Variants in HERC5 observed in about 807,000 individuals in gnomAD.
The protein encoded by HERC5 is E3 ISG15--protein ligase HERC5.
In HERC5, 99 loss-of-function variants were observed where a neutral mutation model predicts 119.6. The observed-to-expected ratio is 0.83, with a 90% CI of 0.70 to 0.98. The LOEUF (loss-of-function observed/expected upper bound fraction) is 0.98, where lower values mean the gene tolerates loss of function less well. Ranked by LOEUF, HERC5 falls within the 50% of genes least tolerant of loss-of-function variation. The pLI is 0.00. For missense variants in HERC5, 1,267 were observed against 1,241.3 expected, an observed-to-expected ratio of 1.02 and a Z score of -0.31; for synonymous variants, 478 against 445.9, an observed-to-expected ratio of 1.07 and a Z score of -0.91.
At position 88,462,154 on chromosome 4, in the gene HERC5, G is replaced by A. The variant is rs1353818562; in HGVS notation, c.486G>A (p.Trp162Ter). ...ALSKGGELFA[W>*]GQNLHGQLGV... ...GTCAAGGTGGTGAGCTTTTTGCCTG[G>A]GGACAGAACCTGCATGGGCAGCTTG... Residue 162 changes from tryptophan to a stop codon, truncating the protein, a stop_gained, in exon 4 of 23, where the codon TGG (tryptophan) becomes TGA (stop). Coordinates refer to ENST00000264350, the MANE Select transcript of HERC5 (RefSeq NM_016323.4). LOFTEE classifies it high-confidence loss of function. 1 of 1,613,824 alleles carries A rather than the reference G, an allele frequency of 6.2e-7. No homozygotes were observed. Among genetic ancestry groups the A allele is most frequent in the Admixed American group, 1.7e-5 (1 of 59,944 alleles).
chr4:88,477,671 C>T (rs1741132076), intron 12 of HERC5, among the ~76,000 whole-genome samples: 1 of 151,912 alleles, frequency 6.6e-6, no homozygotes, highest in Admixed American at 6.6e-5. Flanking sequence ...TAGACTGTCC[C>T]ACATCCAGAT....
intron 11 of HERC5, among the ~76,000 whole-genome samples, chr4:88,475,211 G>A (rs971144476): frequency 5.5e-5 from 8 of 146,704 alleles, no homozygotes; most frequent in Admixed American, 1.4e-4. Flanking sequence ...GTGTGATAGT[G>A]TAAACCAGAG....
chr4:88,487,476 A>T (rs1323697668), intron 15 of HERC5, among the ~76,000 whole-genome samples: 2 of 152,184 alleles, frequency 1.3e-5, no homozygotes, highest in African/African-American at 4.8e-5. Context: ...ATAGTACTCA[A>T]AGAGGTATAA....
chr4:88,460,815 T>A (rs1214556595), intron 3 of HERC5, among the ~76,000 whole-genome samples: 2 of 152,130 alleles, frequency 1.3e-5, no homozygotes, highest in African/African-American at 4.8e-5. Context: ...ATGGGGAGAC[T>A]TCATCTTTAC....
At chr4:88,483,028 C>T (rs1341896162) in intron 13 of HERC5, among the ~76,000 whole-genome samples, 3 of 152,026 alleles carry the variant, frequency 2.0e-5, no homozygotes, top group Non-Finnish European at 4.4e-5. Context: ...TTTTCTTTTT[C>T]CAGTCCATAT....
chr4:88,506,093 C>A lies in HERC5; in HGVS notation c.*215C>A. 1 of 535,364 alleles carries A rather than the reference C, an allele frequency of 1.9e-6. No homozygotes were observed. The highest frequency in any genetic ancestry group is 2.9e-5 in the South Asian group (1 of 34,844). The allele number at this position is 535,364 out of a possible 1,614,324, so 33.2% of individuals were successfully genotyped here. On this transcript the variant is annotated 3_prime_UTR_variant, in exon 23 of 23. Coordinates refer to ENST00000264350, the MANE Select transcript of HERC5 (RefSeq NM_016323.4). The stretch of plus-strand genomic sequence containing the variant: ...GACTGTATTCTCTCCCTTGGATACC[C>A]CTATGCCTACATCATATTCCTTACC...
chr4:88,500,022 T>G, intron 19 of HERC5, 30 bp downstream of exon 19: 1 of 1,385,786 alleles, frequency 7.2e-7, no homozygotes, highest in Non-Finnish European at 1.0e-6. Context: ...GATAACAGAT[T>G]AGTTTTAATC....
At chr4:88,479,021 C>T (rs962047697) in intron 12 of HERC5, among the ~76,000 whole-genome samples, 11 of 152,114 alleles carry the variant, frequency 7.2e-5, no homozygotes, top group South Asian at 4.1e-4. Flanking sequence ...TGAGGTGGCT[C>T]ATGCCTACAA....
intron 13 of HERC5, among the ~76,000 whole-genome samples, chr4:88,480,441 TGTG>T (rs1482707864): frequency 3.4e-5 from 5 of 145,476 alleles, no homozygotes; most frequent in Non-Finnish European, 7.5e-5. Flanking sequence ...AATTCTTGTG[TGTG>T]TTTTTTTTTT....
intron 18 of HERC5, among the ~76,000 whole-genome samples, chr4:88,498,557 C>T (rs1475696251): frequency 6.6e-6 from 1 of 151,974 alleles, no homozygotes. Context: ...ATGCCTGTTC[C>T]ACTGTTGTAT....
At chr4:88,502,401 CTGTTTG>C (rs2149110122) in intron 20 of HERC5, among the ~76,000 whole-genome samples, 1 of 152,248 alleles carries the variant, frequency 6.6e-6, no homozygotes, top group South Asian at 2.1e-4. Context: ...CCAAGCTGAT[CTGTTTG>C]GCTTAAGTGA....
chr4:88,495,007 T>A (rs1741757774), intron 18 of HERC5, among the ~76,000 whole-genome samples: 1 of 152,258 alleles, frequency 6.6e-6, no homozygotes, highest in Non-Finnish European at 1.5e-5. Context: ...AAATTGGTAC[T>A]CCTTTTCAGA....
intron 4 of HERC5, 48 bp downstream of exon 4, chr4:88,462,404 A>G (rs1159976736): frequency 2.7e-6 from 4 of 1,496,854 alleles, no homozygotes; most frequent in South Asian, 1.1e-5. Context: ...TATACTTGTT[A>G]GATGAATTTA....
At position 88,463,845 on chromosome 4, in the gene HERC5, C is replaced by T; in HGVS notation, c.781-10C>T. 6.2e-7 allele frequency: 1 copy of T among 1,612,556 alleles called. No homozygotes were observed. Among genetic ancestry groups the T allele is most frequent in the South Asian group, 1.1e-5 (1 of 90,592 alleles). ...TTTCTAGCATCTGATATGACATTCC[C>T]TTTCCTTAGGATGGGCTGCTGTTTA... On this transcript the variant is annotated splice_polypyrimidine_tract_variant and intron_variant, in intron 5 of 22. Transcript: ENST00000264350.
At chr4:88,489,902 G>A (rs982206228) in intron 16 of HERC5, among the ~76,000 whole-genome samples, 3 of 152,010 alleles carry the variant, frequency 2.0e-5, no homozygotes, top group Admixed American at 6.6e-5. Context: ...CCAGCTACTC[G>A]GGAGGGTGAA....
Position 88,463,395 on chromosome 4 carries a change from A to G in HERC5, c.689-137A>G. 10 of 603,428 alleles carry G rather than the reference A, an allele frequency of 1.7e-5. 1 individual carries two copies. Among genetic ancestry groups the G allele is most frequent in the South Asian group, 1.3e-4 (6 of 47,824 alleles). The allele number at this position is 603,428 out of a possible 1,614,324, so 37.4% of individuals were successfully genotyped here. A position where few individuals can be genotyped will look rare whatever the true frequency, so the allele number is the denominator to read the frequency against. On this transcript the variant is annotated intron_variant, in intron 4 of 22. Coordinates refer to ENST00000264350, the MANE Select transcript of HERC5 (RefSeq NM_016323.4). ...TGAGGCGTAGAACTTGATCCTAAAC[A>G]TGGCAACATAGAGCCTTTCTTGTCA...
At chr4:88,471,402 T>C (rs1740865859) in intron 10 of HERC5, among the ~76,000 whole-genome samples, 1 of 151,966 alleles carries the variant, frequency 6.6e-6, no homozygotes, top group Non-Finnish European at 1.5e-5. Context: ...TACAGCATCT[T>C]GGTTCTTGGG....
Position 88,475,927 on chromosome 4 carries a change from C to T in HERC5, c.1479C>T (p.Leu493=), listed in dbSNP as rs1488031927. 7 of 1,613,818 alleles carry T rather than the reference C, an allele frequency of 4.3e-6. No homozygotes were observed. The highest frequency in any genetic ancestry group is 5.1e-6 in the Non-Finnish European group (6 of 1,179,918). Residue 493 remains leucine, a synonymous_variant, in exon 12 of 23, where the codon CTC becomes CTT. Transcript: ENST00000264350. Reference sequence around the variant, plus strand: ...AAGCTTTAGAAATTTTCTTCCTTCTCCCAGAATGTCCTATGATGCATATTT... The same window carrying T: ...AAGCTTTAGAAATTTTCTTCCTTCTTCCAGAATGTCCTATGATGCATATTT... ...PQEALEIFFL[L]PECPMMHISN... is the part of the protein sequence containing the mutation.
intron 1 of HERC5, among the ~76,000 whole-genome samples, chr4:88,459,103 G>T (rs1740310251): frequency 6.6e-6 from 1 of 151,914 alleles, no homozygotes; most frequent in African/African-American, 2.4e-5. Flanking sequence ...TATTTTAAGG[G>T]TATGTTCCAT....
Sources: allele counts gnomAD v4.1 joint callset (sites outside exome capture counted in the v4.1 genomes callset), GRCh38; gene constraint gnomAD v4.1.1; transcripts MANE v1.5; gene names NCBI Gene and HGNC (gene_info 2026-07-23, HGNC 2026-07-21).